Variants in STXBP5L observed in about 807,000 individuals in gnomAD.
STXBP5L encodes the protein syntaxin-binding protein 5-like.
In STXBP5L, 65 loss-of-function variants were observed where a neutral mutation model predicts 144.5. The ratio of observed to expected loss-of-function variants is 0.45; its 90% CI spans 0.37 to 0.55. The LOEUF (loss-of-function observed/expected upper bound fraction) is 0.55. STXBP5L is among the 20% of genes least tolerant of loss of function. The pLI is 0.00. For missense variants in STXBP5L, 1,298 were observed against 1,405.5 expected (o/e 0.92, Z 1.22); for synonymous variants, 505 against 469.6 (o/e 1.08, Z -0.97).
chr3:120,949,834 G>A (rs995761391), intron 2 of STXBP5L, among the ~76,000 whole-genome samples: 2 of 152,078 alleles, frequency 1.3e-5, no homozygotes, highest in African/African-American at 4.8e-5. Context: ...TTGTAGTATA[G>A]TTTGAAGTCA....
At chr3:121,339,430 A>G (rs564330079) in intron 20 of STXBP5L, among the ~76,000 whole-genome samples, 1 of 152,324 alleles carries the variant, frequency 6.6e-6, no homozygotes, top group South Asian at 2.1e-4. Flanking sequence ...AATAAAAGCT[A>G]CATATGGAAA....
chr3:121,343,340 T>A (rs538530662), intron 20 of STXBP5L, among the ~76,000 whole-genome samples: 1 of 151,444 alleles, frequency 6.6e-6, no homozygotes, highest in Admixed American at 6.6e-5. Flanking sequence ...AGAAGCTCTT[T>A]ACAGGGATGC....
At position 121,053,295 on chromosome 3, in the gene STXBP5L, G is replaced by T. The variant is rs557803052; in HGVS notation, c.470+7760G>T. Reference sequence around the variant, plus strand: ...TCCCCCATTGCCAAGTCAATCCTAAGCCAAAAGAACAAAGTCGGAGGCATC... The same window carrying T: ...TCCCCCATTGCCAAGTCAATCCTAATCCAAAAGAACAAAGTCGGAGGCATC... On this transcript the variant is annotated intron_variant, in intron 5 of 26. Transcript: ENST00000471454. Among the ~76,000 whole-genome samples the T allele has an allele frequency of 6.6e-5, 10 of 152,220 alleles. No homozygotes were observed. The South Asian group carries it at 1.9e-3, about 28-fold the overall frequency.
At chr3:121,099,121 A>T (rs947239774) in intron 5 of STXBP5L, 2 of 152,210 alleles carry the variant, frequency 1.3e-5, no homozygotes, top group African/African-American at 4.8e-5. Flanking sequence ...GCAGCCATTG[A>T]TTTGTCCTGT....
At chr3:121,380,871 T>A (rs926957525) in intron 21 of STXBP5L, among the ~76,000 whole-genome samples, 43 of 152,280 alleles carry the variant, frequency 2.8e-4, no homozygotes, top group Middle Eastern at 3.4e-3. Context: ...CACAGTATTG[T>A]CATTGGAACT....
chr3:121,294,472 A>G (rs568810248), intron 19 of STXBP5L, among the ~76,000 whole-genome samples: 1 of 152,194 alleles, frequency 6.6e-6, no homozygotes, highest in East Asian at 1.9e-4. Flanking sequence ...ATAAATGGAG[A>G]TGTCAAGTGG....
intron 5 of STXBP5L, among the ~76,000 whole-genome samples, chr3:121,048,633 A>G (rs1351288345): frequency 6.6e-6 from 1 of 150,936 alleles, no homozygotes; most frequent in Non-Finnish European, 1.5e-5. Flanking sequence ...AATACTTGCA[A>G]TTACATTATG....
rs1020333427 is a variant in STXBP5L, at chr3:121,193,272, A to G, written c.878-12651A>G. On this transcript the variant is annotated intron_variant, in intron 9 of 26. Transcript: ENST00000471454. ...AAATGCAAATCAAAACCACAGTGAGATATCGTCTCACACCAGTTAGAATGG... is the reference window on the plus strand; with the variant it reads ...AAATGCAAATCAAAACCACAGTGAGGTATCGTCTCACACCAGTTAGAATGG... Among the ~76,000 whole-genome samples, 2 of 143,244 alleles carry G rather than the reference A, an allele frequency of 1.4e-5. 1 individual carries two copies. The highest frequency in any genetic ancestry group is 3.0e-5 in the Non-Finnish European group (2 of 65,686). 94.0% of individuals were successfully genotyped at this position (143,244 alleles called of 152,430 possible).
intron 3 of STXBP5L, among the ~76,000 whole-genome samples, chr3:121,014,765 TATTG>T (rs1399250345): frequency 5.9e-5 from 9 of 151,448 alleles, no homozygotes; most frequent in Non-Finnish European, 1.0e-4. Flanking sequence ...CAGATCTACA[TATTG>T]ATTATGTAAA....
intron 19 of STXBP5L, among the ~76,000 whole-genome samples, chr3:121,307,788 A>G (rs1236219853): frequency 6.6e-6 from 1 of 152,156 alleles, no homozygotes; most frequent in Non-Finnish European, 1.5e-5. Flanking sequence ...AAACTTCCCA[A>G]ATTTTATGAA....
At chr3:121,100,519 A>C (rs1176384492) in intron 5 of STXBP5L, among the ~76,000 whole-genome samples, 1 of 152,186 alleles carries the variant, frequency 6.6e-6, no homozygotes, top group Non-Finnish European at 1.5e-5. Flanking sequence ...AAATTAAGGC[A>C]GAAATAAAAG....
chr3:120,909,440 C>T, intron 1 of STXBP5L, 131 bp from the exon 2 acceptor site: 2 of 742,538 alleles, frequency 2.7e-6, no homozygotes, highest in Non-Finnish European at 4.1e-6. Context: ...TCTTTTTTTC[C>T]AGTCGGTCGT....
chr3:121,314,895 T>C (rs947686215), intron 19 of STXBP5L, among the ~76,000 whole-genome samples: 34 of 152,138 alleles, frequency 2.2e-4, no homozygotes, highest in African/African-American at 3.4e-4. Flanking sequence ...TGCTCATCAT[T>C]ACTGGCCATC....
In STXBP5L at chr3:121,213,315, T is replaced by A. The variant is rs571201950; in HGVS notation, c.956+7314T>A. 5.3e-5 allele frequency among the ~76,000 whole-genome samples: 8 copies of A among 152,330 alleles called. No individual in the cohort carries two copies. The South Asian group carries it at 1.0e-3, about 20-fold the overall frequency. ...GTTTTCAAAGGGAATGCTTCCAGCT[T>A]TTGCCCATTGAGTATGATATTGGCT... is the stretch of plus-strand genomic sequence containing the variant. On this transcript the variant is annotated intron_variant, in intron 10 of 26. Transcript: ENST00000471454.
At chr3:121,062,270 G>A (rs1431471341) in intron 5 of STXBP5L, among the ~76,000 whole-genome samples, 1 of 152,186 alleles carries the variant, frequency 6.6e-6, no homozygotes, top group African/African-American at 2.4e-5. Flanking sequence ...GGCTGGATAT[G>A]AAATTATGGG....
At chr3:121,301,230 T>C (rs1483985376) in intron 19 of STXBP5L, among the ~76,000 whole-genome samples, 1 of 152,224 alleles carries the variant, frequency 6.6e-6, no homozygotes, top group Non-Finnish European at 1.5e-5. Context: ...CGTTGAGCAG[T>C]GGTTTGTAGT....
chr3:121,229,154 A>G (rs1038461719), intron 11 of STXBP5L, among the ~76,000 whole-genome samples: 2 of 152,182 alleles, frequency 1.3e-5, no homozygotes, highest in African/African-American at 4.8e-5. Flanking sequence ...TTAAGTAACC[A>G]GTTATATCGC....
chr3:121,307,751 A>G (rs2043388343), intron 19 of STXBP5L, among the ~76,000 whole-genome samples: 1 of 152,122 alleles, frequency 6.6e-6, no homozygotes, highest in Non-Finnish European at 1.5e-5. Flanking sequence ...AAGAAAGGAG[A>G]AAAATATTTG....
intron 5 of STXBP5L, among the ~76,000 whole-genome samples, chr3:121,073,310 C>T (rs548487376): frequency 3.0e-4 from 45 of 152,312 alleles, no homozygotes; most frequent in Non-Finnish European, 1.3e-4. Context: ...CACACAAAAG[C>T]CCTTGATATC....
Sources: gnomAD v4.1 joint callset for allele counts (sites outside exome capture counted in the v4.1 genomes callset) on GRCh38, gnomAD v4.1.1 for gene constraint, MANE v1.5 for transcripts, NCBI Gene and HGNC (gene_info 2026-07-23, HGNC 2026-07-21) for gene names.